Variants in RGS7 observed in about 807,000 individuals in gnomAD.
RGS7 encodes regulator of G protein signaling 7, also known as regulator of G-protein signaling 7.
RGS7 carries 27 observed loss-of-function variants against 81.1 expected under a neutral mutation model. The observed-to-expected ratio is 0.33, with a 90% CI of 0.25 to 0.46. The LOEUF (loss-of-function observed/expected upper bound fraction) is 0.46, where lower values mean the gene tolerates loss of function less well. RGS7 is among the 20% of genes least tolerant of loss of function. The pLI is 1.00. For missense variants in RGS7, 396 were observed against 607.4 expected (o/e 0.65, Z 3.66); for synonymous variants, 208 against 207.7 (o/e 1.00, Z -0.01).
At chr1:241,312,311 T>C (rs2080584523) in intron 2 of RGS7, among the ~76,000 whole-genome samples, 1 of 152,216 alleles carries the variant, frequency 6.6e-6, no homozygotes, top group Non-Finnish European at 1.5e-5. Flanking sequence ...GGCACATTGA[T>C]ACATATACAG....
intron 4 of RGS7, among the ~76,000 whole-genome samples, chr1:240,954,871 C>T (rs1164511300): frequency 6.6e-6 from 1 of 152,112 alleles, no homozygotes; most frequent in African/African-American, 2.4e-5. Context: ...CAAAAACACT[C>T]CTGAAATTTA....
chr1:240,941,845 T>C lies in RGS7; in HGVS notation c.227-5139A>G, dbSNP rs548735822. ...TGTTGAAAGAGTTTACTGAGTAATC[T>C]GTCAAGATCACTCTCCCAATAACGG... On this transcript the variant is annotated intron_variant, in intron 4 of 18. Transcript: ENST00000440928. Among the ~76,000 whole-genome samples the C allele has an allele frequency of 2.8e-4, 42 of 151,122 alleles. 1 individual carries two copies. Among genetic ancestry groups the C allele is most frequent in the Admixed American group, 2.7e-3 (40 of 15,042 alleles).
At chr1:240,781,257 T>G (rs1009745815) in intron 18 of RGS7, among the ~76,000 whole-genome samples, 1 of 152,218 alleles carries the variant, frequency 6.6e-6, no homozygotes, top group Non-Finnish European at 1.5e-5. Context: ...GGCTTTGTGA[T>G]ATTAGCATAA....
chr1:241,146,633 G>T (rs2068329222), intron 2 of RGS7, among the ~76,000 whole-genome samples: 1 of 152,148 alleles, frequency 6.6e-6, no homozygotes, highest in African/African-American at 2.4e-5. Context: ...TATGGCAAAG[G>T]AAGAAAATAA....
intron 2 of RGS7, among the ~76,000 whole-genome samples, chr1:241,136,065 T>TGA (rs749784045): frequency 6.6e-6 from 1 of 152,062 alleles, no homozygotes; most frequent in Admixed American, 6.5e-5. Context: ...AAACAATATA[T>TGA]GAGTCTTTTT....
chr1:240,835,033 G>T (rs2147848548), intron 9 of RGS7, among the ~76,000 whole-genome samples: 1 of 151,672 alleles, frequency 6.6e-6, no homozygotes, highest in Middle Eastern at 3.4e-3. Context: ...AGAACATCTA[G>T]GTGACCTTGA....
chr1:241,137,922 G>A (rs1353156964), intron 2 of RGS7, among the ~76,000 whole-genome samples: 1 of 152,192 alleles, frequency 6.6e-6, no homozygotes, highest in East Asian at 1.9e-4. Flanking sequence ...TGTAATCCCA[G>A]CACTTTGGAA....
chr1:241,187,569 TATATGCAGTACAGCTCAATAAAGCTCTA>T (rs1406818527), intron 2 of RGS7, among the ~76,000 whole-genome samples: 23 of 152,338 alleles, frequency 1.5e-4, no homozygotes, highest in Non-Finnish European at 2.4e-4. Flanking sequence ...GTCTCAGCTC[TATATGCAGTACAGCTCAATAAAGCTCTA>T]ATATGCAGTA....
chr1:240,872,449 ACT>A (rs1300770719), intron 6 of RGS7, among the ~76,000 whole-genome samples: 6 of 152,064 alleles, frequency 3.9e-5, no homozygotes, highest in African/African-American at 1.4e-4. Flanking sequence ...ACAGAGCAAG[ACT>A]CTGTCTCTTA....
chr1:240,793,756 T>G (rs1235945870), intron 18 of RGS7, among the ~76,000 whole-genome samples: 1 of 151,182 alleles, frequency 6.6e-6, no homozygotes, highest in East Asian at 1.9e-4. Context: ...ACTACAGGTG[T>G]CCGCCACCAT....
intron 2 of RGS7, among the ~76,000 whole-genome samples, chr1:241,293,134 T>C (rs1239430634): frequency 2.0e-5 from 3 of 152,188 alleles, no homozygotes; most frequent in African/African-American, 7.2e-5. Context: ...TTCATGAGAT[T>C]ATAATGGAGC....
intron 2 of RGS7, among the ~76,000 whole-genome samples, chr1:241,256,069 T>G (rs1188020082): frequency 1.3e-5 from 2 of 152,278 alleles, no homozygotes; most frequent in East Asian, 3.9e-4. Flanking sequence ...TCAAGATCTT[T>G]TAAGATACCA....
At chr1:241,213,936 T>C (rs1002349248) in intron 2 of RGS7, among the ~76,000 whole-genome samples, 2 of 152,080 alleles carry the variant, frequency 1.3e-5, no homozygotes, top group African/African-American at 4.8e-5. Context: ...GGGTAATTTT[T>C]TCTACTTTTA....
At chr1:240,835,577 C>T (rs1009764129) in intron 9 of RGS7, among the ~76,000 whole-genome samples, 4 of 152,210 alleles carry the variant, frequency 2.6e-5, no homozygotes, top group Admixed American at 2.6e-4. Context: ...CAATCATCCT[C>T]ATTGGCATTT....
intron 2 of RGS7, among the ~76,000 whole-genome samples, chr1:241,162,222 G>GCGCACCCCCCCCGCCCC (rs68166816): frequency 7.0e-6 from 1 of 142,028 alleles, no homozygotes; most frequent in Non-Finnish European, 1.6e-5. Context: ...CTGGTGATCA[G>GCGCACCCCCCCCGCCCC]CTTCCAAATA....
At chr1:241,045,586 A>T (rs1325399344) in intron 3 of RGS7, among the ~76,000 whole-genome samples, 1 of 152,070 alleles carries the variant, frequency 6.6e-6, no homozygotes, top group East Asian at 1.9e-4. Flanking sequence ...CTGGTCTTGA[A>T]TTCCTGATCT....
At chr1:241,250,172 CAGAAT>C (rs1014181422) in intron 2 of RGS7, among the ~76,000 whole-genome samples, 34 of 152,054 alleles carry the variant, frequency 2.2e-4, no homozygotes, top group African/African-American at 8.2e-4. Context: ...GGTGAGTACA[CAGAAT>C]GTTATCAAAG....
At chr1:240,906,829 T>G (rs1670898729) in intron 6 of RGS7, among the ~76,000 whole-genome samples, 1 of 152,064 alleles carries the variant, frequency 6.6e-6, no homozygotes, top group Admixed American at 6.6e-5. Flanking sequence ...GTCAATCACA[T>G]AAAACACAGC....
rs1016520034 is a variant in RGS7, at chr1:241,033,488, T to C, written c.176-50359A>G. ...TAAAAATGATATATTAAAATTTTTATACAATTCATTATGAGTTTTTATATT... is the reference window on the plus strand; with the variant it reads ...TAAAAATGATATATTAAAATTTTTACACAATTCATTATGAGTTTTTATATT... On this transcript the variant is annotated intron_variant, in intron 3 of 18. Transcript: ENST00000440928. 5.9e-5 allele frequency among the ~76,000 whole-genome samples: 9 copies of C among 152,262 alleles called. No individual in the cohort carries two copies. The East Asian group carries it at 1.7e-3, about 29-fold the overall frequency.
Sources: allele counts gnomAD v4.1 joint callset (sites outside exome capture counted in the v4.1 genomes callset), GRCh38; gene constraint gnomAD v4.1.1; transcripts MANE v1.5; gene names NCBI Gene and HGNC (gene_info 2026-07-23, HGNC 2026-07-21).